NR3C2: variants seen among roughly 807,000 people sequenced by gnomAD.
The protein encoded by NR3C2 is nuclear receptor subfamily 3 group C member 2, also known as mineralocorticoid receptor.
NR3C2 carries 15 observed loss-of-function variants against 86.4 expected under a neutral mutation model. That is an observed-to-expected ratio of 0.17 (90% CI 0.12 to 0.27). The LOEUF (loss-of-function observed/expected upper bound fraction) is 0.27. NR3C2 is among the 10% of genes least tolerant of loss of function. NR3C2 has a pLI of 1.00. For synonymous variants in NR3C2, 458 were observed against 450.5 expected, an observed-to-expected ratio of 1.02 and a Z score of -0.21; for missense variants, 960 against 1,195.6, an observed-to-expected ratio of 0.80 and a Z score of 2.91.
At chr4:148,356,712 T>C (rs1745564184) in intron 2 of NR3C2, among the ~76,000 whole-genome samples, 1 of 152,214 alleles carries the variant, frequency 6.6e-6, no homozygotes, top group Non-Finnish European at 1.5e-5. Context: ...GCTATCTCAG[T>C]AGCCTATGTA....
Position 148,394,072 on chromosome 4 carries a change from T to C in NR3C2, c.1757+41032A>G, listed in dbSNP as rs569228995. Among the ~76,000 whole-genome samples, 10 of 151,948 alleles carry C rather than the reference T, an allele frequency of 6.6e-5. No individual in the cohort carries two copies. The South Asian group carries it at 2.1e-3, about 32-fold the overall frequency. On this transcript the variant is annotated intron_variant, in intron 2 of 8. Coordinates refer to ENST00000358102, the MANE Select transcript of NR3C2 (RefSeq NM_000901.5). ...TGCCATTTCAGGAGCTTGGGCTAGG[T>C]TACTAAATAGTGAAAGAACACAGAG...
intron 2 of NR3C2, among the ~76,000 whole-genome samples, chr4:148,343,638 T>G (rs1744857612): frequency 6.6e-6 from 1 of 152,108 alleles, no homozygotes; most frequent in Admixed American, 6.6e-5. Context: ...TTGCTGAAAC[T>G]AGAACTAAAA....
intron 2 of NR3C2, among the ~76,000 whole-genome samples, chr4:148,324,774 A>G (rs1374540363): frequency 1.3e-5 from 2 of 152,192 alleles, no homozygotes; most frequent in East Asian, 1.9e-4. Context: ...AACATATTTC[A>G]TATCTTAAAT....
At chr4:148,357,249 T>C (rs1208858337) in intron 2 of NR3C2, among the ~76,000 whole-genome samples, 1 of 152,186 alleles carries the variant, frequency 6.6e-6, no homozygotes, top group Admixed American at 6.5e-5. Flanking sequence ...AAATGATTGT[T>C]AAGTCTTCAT....
At chr4:148,116,117 T>C (rs565907300) in intron 7 of NR3C2, among the ~76,000 whole-genome samples, 2 of 152,326 alleles carry the variant, frequency 1.3e-5, no homozygotes, top group African/African-American at 4.8e-5. Flanking sequence ...TAGATACTTA[T>C]ATGGACATCA....
At chr4:148,112,833 C>T (rs1225357114) in intron 8 of NR3C2, among the ~76,000 whole-genome samples, 3 of 152,062 alleles carry the variant, frequency 2.0e-5, no homozygotes, top group Non-Finnish European at 2.9e-5. Flanking sequence ...AAAAGATGGA[C>T]CATTATTTCC....
chr4:148,290,528 T>C (rs1741746841), intron 2 of NR3C2, among the ~76,000 whole-genome samples: 1 of 152,176 alleles, frequency 6.6e-6, no homozygotes, highest in Non-Finnish European at 1.5e-5. Flanking sequence ...ACTAATATAA[T>C]GTACCAGGTA....
At chr4:148,290,178 C>T (rs1242022197) in intron 2 of NR3C2, among the ~76,000 whole-genome samples, 4 of 152,258 alleles carry the variant, frequency 2.6e-5, no homozygotes, top group East Asian at 1.9e-4. Flanking sequence ...CCACATGGTC[C>T]GCTCTATACA....
At chr4:148,220,263 T>C (rs1737768310) in intron 3 of NR3C2, among the ~76,000 whole-genome samples, 1 of 152,014 alleles carries the variant, frequency 6.6e-6, no homozygotes, top group Non-Finnish European at 1.5e-5. Flanking sequence ...ATGTTTTAAT[T>C]TTTTTGTAGA....
At chr4:148,120,339 C>A (rs774039734) in intron 6 of NR3C2, 51 bp from the exon 7 acceptor site, 2 of 1,611,666 alleles carry the variant, frequency 1.2e-6, no homozygotes, top group Admixed American at 1.7e-5. Flanking sequence ...CATTATCAAA[C>A]CCAGACTGGC....
chr4:148,341,871 C>G (rs1385332494), intron 2 of NR3C2, among the ~76,000 whole-genome samples: 1 of 152,096 alleles, frequency 6.6e-6, no homozygotes, highest in Non-Finnish European at 1.5e-5. Flanking sequence ...TACTTGAAAA[C>G]TAGGAAATAA....
At position 148,260,091 on chromosome 4, in the gene NR3C2, C is replaced by A; in HGVS notation, c.1784G>T (p.Gly595Val). ...SSSTLRSVST[G>V]SSRPSKICLV... ...ACATATTTTTGAAGGTCTTGAAGAT[C>A]CAGTAGAAACACTTCGTAAAGTAGA... Residue 595 changes from glycine (G) to valine (V), a missense_variant, in exon 3 of 9, where the codon GGA (glycine) becomes GTA (valine). This residue lies in a region of NR3C2 where 47 missense variants were observed against 107.3 expected (regional missense o/e 0.44). Transcript: ENST00000358102. 1.2e-6 allele frequency: 2 copies of A among 1,613,944 alleles called. No homozygotes were observed. Among genetic ancestry groups the A allele is most frequent in the Non-Finnish European group, 1.7e-6 (2 of 1,179,962 alleles).
intron 6 of NR3C2, among the ~76,000 whole-genome samples, chr4:148,134,690 C>T (rs144719224): frequency 0.011 from 1,445 of 129,244 alleles, 34 homozygotes; most frequent in African/African-American, 0.038. Context: ...GCTCTATCGC[C>T]CAGGCTGGAG....
intron 2 of NR3C2, among the ~76,000 whole-genome samples, chr4:148,433,799 A>G (rs1749910565): frequency 6.6e-6 from 1 of 152,360 alleles, no homozygotes; most frequent in Admixed American, 6.5e-5. Flanking sequence ...GCAAAGCACT[A>G]GCAGTAAAAC....
At chr4:148,318,167 T>C (rs1014939959) in intron 2 of NR3C2, among the ~76,000 whole-genome samples, 26 of 151,918 alleles carry the variant, frequency 1.7e-4, no homozygotes, top group Middle Eastern at 3.4e-3. Context: ...AGAATGATGA[T>C]TTCCAATTTC....
At chr4:148,098,064 G>A (rs1281468204) in intron 8 of NR3C2, among the ~76,000 whole-genome samples, 1 of 152,038 alleles carries the variant, frequency 6.6e-6, no homozygotes, top group Non-Finnish European at 1.5e-5. Context: ...AAACTCCTGG[G>A]GAGATGGATT....
chr4:148,355,912 T>G (rs1323012816), intron 2 of NR3C2, among the ~76,000 whole-genome samples: 1 of 152,200 alleles, frequency 6.6e-6, no homozygotes, highest in Non-Finnish European at 1.5e-5. Context: ...TTTCTGGGCC[T>G]GTCATTTCCT....
upstream of NR3C2, chr4:148,444,711 C>G: frequency 1.0e-6 from 1 of 985,252 alleles, no homozygotes; most frequent in Non-Finnish European, 1.2e-6. Flanking sequence ...TGCTGTTACC[C>G]TACAAGAGGC....
chr4:148,235,649 A>AT (rs1738713990), intron 3 of NR3C2, among the ~76,000 whole-genome samples: 1 of 152,152 alleles, frequency 6.6e-6, no homozygotes, highest in African/African-American at 2.4e-5. Context: ...TGTACAGTCT[A>AT]TTGATTTTTA....
Sources: gnomAD v4.1 joint callset for allele counts (sites outside exome capture counted in the v4.1 genomes callset) on GRCh38, gnomAD v4.1.1 for gene constraint, gnomAD v4.1.1 regional missense constraint, MANE v1.5 for transcripts, NCBI Gene and HGNC (gene_info 2026-07-23, HGNC 2026-07-21) for gene names.